Variants in TEAD1 observed in about 807,000 individuals in gnomAD.
The protein encoded by TEAD1 is TEA domain transcription factor 1, also known as transcriptional enhancer factor TEF-1.
Under a neutral mutation model 54.9 loss-of-function variants are expected in TEAD1, and 9 were observed. The observed-to-expected ratio is 0.16, with a 90% CI of 0.10 to 0.29. TEAD1 has a LOEUF of 0.29. Among genes scored for constraint, TEAD1 ranks in the 10% least tolerant of loss-of-function variants. The probability of loss-of-function intolerance (pLI) is 1.00; values close to 1 mark genes in which losing one functional copy is unlikely to be tolerated. For synonymous variants in TEAD1, 200 were observed against 187.8 expected (o/e 1.07, Z -0.53); for missense variants, 387 against 535.9 (o/e 0.72, Z 2.74).
At chr11:12,857,808 A>T (rs934933661) in intron 3 of TEAD1, among the ~76,000 whole-genome samples, 28 of 152,144 alleles carry the variant, frequency 1.8e-4, no homozygotes, top group Non-Finnish European at 3.2e-4. Flanking sequence ...CATAGGGGCC[A>T]GTGCGGTGGC....
chr11:12,832,592 C>T (rs1398892005), intron 3 of TEAD1, among the ~76,000 whole-genome samples: 3 of 152,212 alleles, frequency 2.0e-5, no homozygotes, highest in Non-Finnish European at 2.9e-5. Flanking sequence ...TTTTAAAGAT[C>T]TTGAATGTTC....
At chr11:12,705,233 A>G (rs930040760) in intron 2 of TEAD1, among the ~76,000 whole-genome samples, 6 of 152,214 alleles carry the variant, frequency 3.9e-5, no homozygotes, top group African/African-American at 1.2e-4. Flanking sequence ...CTTTGGTACC[A>G]TCTCCCATTT....
At chr11:12,754,002 G>T (rs1177885058) in intron 2 of TEAD1, among the ~76,000 whole-genome samples, 7 of 152,100 alleles carry the variant, frequency 4.6e-5, no homozygotes, top group East Asian at 1.9e-4. Flanking sequence ...TTTACTCAGG[G>T]TAATGCAGTG....
intron 5 of TEAD1, among the ~76,000 whole-genome samples, chr11:12,873,275 TC>T (rs1449603571): frequency 6.6e-6 from 1 of 152,098 alleles, no homozygotes; most frequent in East Asian, 1.9e-4. Context: ...GGGGCTGAGG[TC>T]AGAAGGGTGC....
chr11:12,710,136 G>A (rs1943904205), intron 2 of TEAD1, among the ~76,000 whole-genome samples: 3 of 152,174 alleles, frequency 2.0e-5, no homozygotes, highest in South Asian at 4.1e-4. Flanking sequence ...AGACCAGCCT[G>A]GGCAACATAG....
chr11:12,844,058 C>T (rs1483364562), intron 3 of TEAD1, among the ~76,000 whole-genome samples: 1 of 152,140 alleles, frequency 6.6e-6, no homozygotes, highest in East Asian at 1.9e-4. Flanking sequence ...ATTCTTTTAA[C>T]TTGAATTTAT....
intron 3 of TEAD1, among the ~76,000 whole-genome samples, chr11:12,784,596 TA>T (rs1012444081): frequency 6.6e-6 from 1 of 152,210 alleles, no homozygotes; most frequent in African/African-American, 2.4e-5. Flanking sequence ...TGAATTCACG[TA>T]TGTTTACTAA....
At chr11:12,808,603 C>A (rs1447368836) in intron 3 of TEAD1, among the ~76,000 whole-genome samples, 1 of 152,168 alleles carries the variant, frequency 6.6e-6, no homozygotes, top group East Asian at 1.9e-4. Context: ...CCACCTGCCA[C>A]CCCTCCCCAC....
At chr11:12,870,996 G>A (rs987730918) in intron 5 of TEAD1, among the ~76,000 whole-genome samples, 2 of 152,218 alleles carry the variant, frequency 1.3e-5, no homozygotes, top group African/African-American at 4.8e-5. Context: ...GGAGTGCTAT[G>A]TGTTTGTCTC....
In TEAD1 at chr11:12,817,278, T is replaced by C. The variant is rs541043544; in HGVS notation, c.203-44972T>C. Among the ~76,000 whole-genome samples, 3 of 152,288 alleles carry C rather than the reference T, an allele frequency of 2.0e-5. No homozygotes were observed. The South Asian group carries it at 6.2e-4, about 32-fold the overall frequency. Reference sequence around the variant, plus strand: ...AATAATTCTTCTAACACCTAGAAATTAGCCAATTTTACTTTTGAAGGAGAT... The same window carrying C: ...AATAATTCTTCTAACACCTAGAAATCAGCCAATTTTACTTTTGAAGGAGAT... On this transcript the variant is annotated intron_variant, in intron 3 of 12. Coordinates refer to ENST00000527636, the MANE Select transcript of TEAD1 (RefSeq NM_021961.6).
chr11:12,734,586 G>A (rs1462511388), intron 2 of TEAD1, among the ~76,000 whole-genome samples: 2 of 152,154 alleles, frequency 1.3e-5, no homozygotes, highest in Admixed American at 1.3e-4. Context: ...CCCTATGCAG[G>A]TGTACCATTT....
At chr11:12,802,413 G>A (rs961368158) in intron 3 of TEAD1, among the ~76,000 whole-genome samples, 1 of 152,026 alleles carries the variant, frequency 6.6e-6, no homozygotes, top group African/African-American at 2.4e-5. Context: ...CCTGAAGAAG[G>A]GGAGATTTAT....
Position 12,881,086 on chromosome 11 carries a change from G to A in TEAD1, c.512+35G>A, listed in dbSNP as rs557900555. On this transcript the variant is annotated intron_variant, in intron 7 of 12. Coordinates refer to ENST00000527636, the MANE Select transcript of TEAD1 (RefSeq NM_021961.6). ...AGGAGGGGTGGGCACTGACAACTACGGGCTGGTCCCAGCCCACGTGGGGAG... is the reference window on the plus strand; with the variant it reads ...AGGAGGGGTGGGCACTGACAACTACAGGCTGGTCCCAGCCCACGTGGGGAG... 7.1e-5 allele frequency: 114 copies of A among 1,612,684 alleles called. 1 individual carries two copies. The Middle Eastern group carries it at 8.5e-4, about 12-fold the overall frequency.
At chr11:12,873,467 T>C (rs1250596105) in intron 5 of TEAD1, among the ~76,000 whole-genome samples, 1 of 152,168 alleles carries the variant, frequency 6.6e-6, no homozygotes, top group Non-Finnish European at 1.5e-5. Context: ...ATACCAAATA[T>C]AGCTGAGTAT....
intron 2 of TEAD1, among the ~76,000 whole-genome samples, chr11:12,760,819 T>A (rs1186619340): frequency 6.6e-6 from 1 of 152,118 alleles, no homozygotes. Context: ...ACCTGGGGGA[T>A]GGAGTGCCAG....
chr11:12,929,744 C>G (rs1948979097), intron 11 of TEAD1, among the ~76,000 whole-genome samples: 1 of 152,048 alleles, frequency 6.6e-6, no homozygotes, highest in African/African-American at 2.4e-5. Flanking sequence ...GAGAAATAAT[C>G]AGTTTTTTCT....
Position 12,938,324 on chromosome 11 carries a change from G to C in TEAD1, c.*1102G>C. On this transcript the variant is annotated 3_prime_UTR_variant, in exon 13 of 13. Coordinates refer to ENST00000527636, the MANE Select transcript of TEAD1 (RefSeq NM_021961.6). ...TCAGTTTTAGCATCTCTGCTCCCCA[G>C]AAAATTGTAAGCATCCTCACCAGCC... 1 of 152,612 alleles carries C rather than the reference G, an allele frequency of 6.6e-6. No homozygotes were observed. Among genetic ancestry groups the C allele is most frequent in the East Asian group, 1.9e-4 (1 of 5,194 alleles). The allele number at this position is 152,612 out of a possible 1,614,324, so 9.5% of individuals were successfully genotyped here.
At chr11:12,884,795 G>A (rs779311690) in intron 9 of TEAD1, among the ~76,000 whole-genome samples, 1 of 152,182 alleles carries the variant, frequency 6.6e-6, no homozygotes, top group Non-Finnish European at 1.5e-5. Context: ...GCAGCTGAGT[G>A]GCTAACAGGA....
chr11:12,882,649 G>T (rs1369469731), intron 8 of TEAD1, among the ~76,000 whole-genome samples: 4 of 152,210 alleles, frequency 2.6e-5, no homozygotes, highest in Non-Finnish European at 5.9e-5. Flanking sequence ...TGCATGGCAT[G>T]TTCGGGTCTC....
Sources: gnomAD v4.1 joint callset for allele counts (sites outside exome capture counted in the v4.1 genomes callset) on GRCh38, gnomAD v4.1.1 for gene constraint, MANE v1.5 for transcripts, NCBI Gene and HGNC (gene_info 2026-07-23, HGNC 2026-07-21) for gene names.